PRRC2C: variants seen among roughly 807,000 people sequenced by gnomAD.
The protein encoded by PRRC2C is proline rich coiled-coil 2C, also known as protein PRRC2C.
Under a neutral mutation model 317.2 loss-of-function variants are expected in PRRC2C, and 72 were observed. That is an observed-to-expected ratio of 0.23 (90% CI 0.19 to 0.28). The LOEUF (loss-of-function observed/expected upper bound fraction) is 0.28. Among genes scored for constraint, PRRC2C ranks in the 10% least tolerant of loss-of-function variants. The pLI is 1.00. For synonymous variants in PRRC2C, 1,296 were observed against 1,205.9 expected (o/e 1.07, Z -1.55); for missense variants, 3,074 against 3,459.7 (o/e 0.89, Z 2.80).
At chr1:171,514,513 A>G (rs781676045) in intron 3 of PRRC2C, 23 bp from the exon 4 acceptor site, 168 of 1,502,836 alleles carry the variant, frequency 1.1e-4, no homozygotes, top group Non-Finnish European at 1.5e-4. Flanking sequence ...ATCTGAAATA[A>G]TGGATTCATA....
intron 18 of PRRC2C, among the ~76,000 whole-genome samples, chr1:171,553,582 C>T (rs1680741812): frequency 6.6e-6 from 1 of 152,154 alleles, no homozygotes; most frequent in Non-Finnish European, 1.5e-5. Context: ...TCAGATCTTT[C>T]CTGCTTTCTC....
rs373168201 is a variant in PRRC2C at position 171,509,749 on chromosome 1, A to G, written c.-57-2283A>G. 4.0e-5 allele frequency: 6 copies of G among 151,734 alleles called. 1 individual carries two copies. Among genetic ancestry groups the G allele is most frequent in the South Asian group, 2.1e-4 (1 of 4,798 alleles). The allele number at this position is 151,734 out of a possible 1,614,324, so 9.4% of individuals were successfully genotyped here. A position where few individuals can be genotyped will look rare whatever the true frequency, so the allele number is the denominator to read the frequency against. On this transcript the variant is annotated intron_variant, in intron 1 of 34. Transcript: ENST00000647382. ...GGGCCCCTTCCTCAGAGTTTGATTCAGTAGGTCTGGGTTGGGACCTGAGAA... is the reference window on the plus strand; with the variant it reads ...GGGCCCCTTCCTCAGAGTTTGATTCGGTAGGTCTGGGTTGGGACCTGAGAA...
At chr1:171,551,815 G>A (rs1423663277) in intron 18 of PRRC2C, among the ~76,000 whole-genome samples, 2 of 152,108 alleles carry the variant, frequency 1.3e-5, no homozygotes, top group Non-Finnish European at 2.9e-5. Flanking sequence ...TGTTCCATTG[G>A]TCTGTATCTC....
chr1:171,535,687 G>T, intron 13 of PRRC2C, 90 bp downstream of exon 13: 2 of 1,374,326 alleles, frequency 1.5e-6, no homozygotes, highest in South Asian at 2.7e-5. Context: ...CTGATAATAC[G>T]TAAAGCACAC....
At chr1:171,492,932 A>G (rs1430701992) in intron 1 of PRRC2C, among the ~76,000 whole-genome samples, 4 of 151,770 alleles carry the variant, frequency 2.6e-5, no homozygotes, top group Non-Finnish European at 5.9e-5. Context: ...TTGTATTTTT[A>G]GTAGAGATGG....
intron 28 of PRRC2C, among the ~76,000 whole-genome samples, chr1:171,582,064 C>T (rs2102842108): frequency 1.3e-5 from 2 of 152,234 alleles, no homozygotes; most frequent in African/African-American, 4.8e-5. Flanking sequence ...GTAACTCTGA[C>T]ATGAGCTACT....
intron 10 of PRRC2C, 34 bp from the exon 11 acceptor site, chr1:171,527,757 A>G: frequency 6.5e-7 from 1 of 1,530,584 alleles, no homozygotes. Context: ...CTGTCTCCAA[A>G]ATAATAAGAA....
In PRRC2C at chr1:171,545,519, C is replaced by T. The variant is rs760521333; in HGVS notation, c.4804C>T (p.Leu1602Phe). 1.3e-6 allele frequency: 2 copies of T among 1,586,476 alleles called. No individual in the cohort carries two copies. Among genetic ancestry groups the T allele is most frequent in the South Asian group, 1.1e-5 (1 of 87,336 alleles). The change falls in exon 17 of 35, where the codon CTC (leucine) becomes TTC (phenylalanine). Residue 1602 changes from leucine to phenylalanine, a missense_variant. Transcript: ENST00000647382. ...GCCTGCAGGCACAACTGGGGTTGAC[C>T]TCATCAATGGCAGCTCTGCACACCA... ...DQPAGTTGVD[L>F]INGSSAHHQE...
At chr1:171,507,047 G>A (rs1053670671) in intron 1 of PRRC2C, among the ~76,000 whole-genome samples, 4 of 151,886 alleles carry the variant, frequency 2.6e-5, no homozygotes, top group African/African-American at 9.7e-5. Context: ...TTGATTCTGG[G>A]ATTCAGTTAA....
chr1:171,550,984 G>C (rs912959357), intron 18 of PRRC2C, among the ~76,000 whole-genome samples: 26 of 152,188 alleles, frequency 1.7e-4, no homozygotes, highest in African/African-American at 5.5e-4. Context: ...TATATACCCA[G>C]TAATGGGATC....
Position 171,566,865 on chromosome 1 carries a change from C to T in PRRC2C, c.6558+22C>T, listed in dbSNP as rs1181725785. 2.5e-6 allele frequency: 4 copies of T among 1,587,152 alleles called. No homozygotes were observed. In the East Asian group the frequency reaches 9.0e-5, roughly 36 times the overall value. Reference sequence around the variant, plus strand: ...AAAGGTAAGCCACATGTAGGGATTACCAGTTCAACAGATGCAAGCCATGTC... The same window carrying T: ...AAAGGTAAGCCACATGTAGGGATTATCAGTTCAACAGATGCAAGCCATGTC... On this transcript the variant is annotated intron_variant, in intron 22 of 34. Coordinates refer to ENST00000647382, the MANE Select transcript of PRRC2C (RefSeq NM_001387844.1).
At position 171,514,638 on chromosome 1, in the gene PRRC2C, A is replaced by G; in HGVS notation, c.393A>G (p.Gln131=). The change falls in exon 4 of 35, where the codon CAA becomes CAG. Residue 131 remains glutamine (Q), a synonymous_variant. Coordinates refer to ENST00000647382, the MANE Select transcript of PRRC2C (RefSeq NM_001387844.1). ...KSWASNKQGG[Q]GDGIQVNSQF... is the part of the protein sequence containing the mutation. ...GGGCCAGTAACAAGCAAGGTGGGCA[A>G]GGAGATGGTAAGTGGACATTAGTTG... 6.4e-7 allele frequency: 1 copy of G among 1,555,536 alleles called. No individual in the cohort carries two copies. The highest frequency in any genetic ancestry group is 1.4e-5 in the African/African-American group (1 of 73,258).
chr1:171,508,393 AT>A (rs1670656662), intron 1 of PRRC2C, among the ~76,000 whole-genome samples: 1 of 152,176 alleles, frequency 6.6e-6, no homozygotes, highest in Admixed American at 6.5e-5. Context: ...ATTTATTGAG[AT>A]GATCATTTGG....
At chr1:171,507,066 G>A (rs942519442) in intron 1 of PRRC2C, among the ~76,000 whole-genome samples, 7 of 151,968 alleles carry the variant, frequency 4.6e-5, no homozygotes, top group African/African-American at 1.7e-4. Flanking sequence ...AAGTTACTGG[G>A]AAACTGTTTG....
chr1:171,571,754 T>C (rs912536604), intron 24 of PRRC2C, among the ~76,000 whole-genome samples: 1 of 152,224 alleles, frequency 6.6e-6, no homozygotes, highest in African/African-American at 2.4e-5. Context: ...AAAAATAAAA[T>C]CTTAATTATT....
chr1:171,581,692 T>A (rs558461530), intron 28 of PRRC2C, among the ~76,000 whole-genome samples: 1 of 152,246 alleles, frequency 6.6e-6, no homozygotes, highest in Non-Finnish European at 1.5e-5. Context: ...CAGGATAGTT[T>A]ATAGCAGTAT....
At chr1:171,489,096 C>T (rs1377769245) in intron 1 of PRRC2C, among the ~76,000 whole-genome samples, 2 of 151,946 alleles carry the variant, frequency 1.3e-5, no homozygotes, top group South Asian at 2.1e-4. Context: ...TGGTGGTTGG[C>T]GTATACCTAG....
intron 1 of PRRC2C, among the ~76,000 whole-genome samples, chr1:171,486,287 A>G (rs181275993): frequency 6.6e-6 from 1 of 151,982 alleles, no homozygotes; most frequent in Non-Finnish European, 1.5e-5. Context: ...CGGGGAATCA[A>G]GACCAACCCT....
chr1:171,529,384 A>G (rs1048246699), intron 11 of PRRC2C, among the ~76,000 whole-genome samples: 1 of 152,136 alleles, frequency 6.6e-6, no homozygotes, highest in Admixed American at 6.5e-5. Context: ...AATATGTCCA[A>G]ACCATAACAC....
Sources: allele counts gnomAD v4.1 joint callset (sites outside exome capture counted in the v4.1 genomes callset), GRCh38; gene constraint gnomAD v4.1.1; transcripts MANE v1.5; gene names NCBI Gene and HGNC (gene_info 2026-07-23, HGNC 2026-07-21).